The following GRIN2B variants were observed in gnomAD, a reference collection of about 807,000 sequenced individuals.
GRIN2B encodes glutamate ionotropic receptor NMDA type subunit 2B.
Under a neutral mutation model 114.5 loss-of-function variants are expected in GRIN2B, and 5 were observed. The observed-to-expected ratio is 0.04, with a 90% confidence interval of 0.02 to 0.09. GRIN2B has a LOEUF of 0.09. Among genes scored for constraint, GRIN2B ranks in the 10% least tolerant of loss-of-function variants. The probability of loss-of-function intolerance (pLI) is 1.00; values close to 1 mark genes in which losing one functional copy is unlikely to be tolerated. For missense variants in GRIN2B, 1,108 were observed against 1,943.5 expected (o/e 0.57, Z 8.08); for synonymous variants, 787 against 745.1 (o/e 1.06, Z -0.92).
At chr12:13,784,358 G>A (rs768287971) in intron 3 of GRIN2B, among the ~76,000 whole-genome samples, 13 of 151,796 alleles carry the variant, frequency 8.6e-5, no homozygotes, top group South Asian at 2.1e-4. Context: ...ACTAAAATAC[G>A]GCAAGTGCTG....
intron 4 of GRIN2B, among the ~76,000 whole-genome samples, chr12:13,735,854 A>T (rs1863168793): frequency 6.6e-6 from 1 of 151,888 alleles, no homozygotes; most frequent in Admixed American, 6.6e-5. Context: ...GAGTGTGGAG[A>T]AGTAGGATCC....
At chr12:13,803,347 C>T (rs982705926) in intron 3 of GRIN2B, among the ~76,000 whole-genome samples, 3 of 152,118 alleles carry the variant, frequency 2.0e-5, no homozygotes, top group Admixed American at 6.5e-5. Context: ...TTAACTTTAA[C>T]AGAAAATAAA....
At chr12:13,737,043 A>AAAC (rs1565518682) in intron 4 of GRIN2B, among the ~76,000 whole-genome samples, 1 of 148,904 alleles carries the variant, frequency 6.7e-6, no homozygotes, top group African/African-American at 2.5e-5. Flanking sequence ...AAAAAAAAAA[A>AAAC]AAAGAAGAAG....
At chr12:13,927,961 T>G (rs1866947186) in intron 2 of GRIN2B, among the ~76,000 whole-genome samples, 1 of 1,366 alleles carries the variant, frequency 7.3e-4, no homozygotes, top group African/African-American at 1.2e-3. Context: ...AGCAAGACCC[T>G]GTCTCAAAAA....
intron 4 of GRIN2B, among the ~76,000 whole-genome samples, chr12:13,687,573 G>T (rs568411786): frequency 6.6e-6 from 1 of 152,280 alleles, no homozygotes; most frequent in Non-Finnish European, 1.5e-5. Context: ...TGATTGGAAT[G>T]TTCTACTTGA....
intron 4 of GRIN2B, among the ~76,000 whole-genome samples, chr12:13,692,789 G>T (rs1487944620): frequency 2.7e-5 from 1 of 36,510 alleles, no homozygotes; most frequent in African/African-American, 1.1e-4. Flanking sequence ...TTTTTTTGAG[G>T]CAGAGTTTTG....
chr12:13,843,291 C>T (rs1466789947), intron 3 of GRIN2B, among the ~76,000 whole-genome samples: 1 of 151,794 alleles, frequency 6.6e-6, no homozygotes, highest in Admixed American at 6.6e-5. Context: ...TTTTGGTTGA[C>T]ATCTGATTGC....
rs182450483 is a variant in GRIN2B at position 13,742,766 on chromosome 12, C to T, written c.1010+10551G>A. On this transcript the variant is annotated intron_variant, in intron 4 of 13. Coordinates refer to ENST00000609686, the MANE Select transcript of GRIN2B (RefSeq NM_000834.5). ...ATTTTTAACTGGGCACATTACTGCCCAGGTTAAAAACTAAACTAAGCTATA... is the reference window on the plus strand; with the variant it reads ...ATTTTTAACTGGGCACATTACTGCCTAGGTTAAAAACTAAACTAAGCTATA... Among the ~76,000 whole-genome samples the T allele has an allele frequency of 9.1e-4, 138 of 152,272 alleles. 2 individuals are homozygous for T. The South Asian group carries it at 0.019, about 22-fold the overall frequency.
At position 13,957,385 on chromosome 12, in the gene GRIN2B, AAG is replaced by A. The variant is rs568868478; in HGVS notation, c.-19+22541_-19+22542del. Among the ~76,000 whole-genome samples the A allele has an allele frequency of 3.6e-4, 55 of 152,298 alleles. 1 individual carries two copies. In the South Asian group the frequency reaches 0.011, roughly 32 times the overall value. On this transcript the variant is annotated intron_variant, in intron 2 of 13. Transcript: ENST00000609686. ...TGAGACAGAGAGAGAGAGGACTGCA[AAG>A]AGAGGCTTCTACCATAAAGCACTAC...
intron 3 of GRIN2B, among the ~76,000 whole-genome samples, chr12:13,775,375 C>T (rs1863985316): frequency 6.6e-6 from 1 of 152,172 alleles, no homozygotes; most frequent in Non-Finnish European, 1.5e-5. Flanking sequence ...GCAAGTTAGC[C>T]TCTCTTCCAA....
intron 5 of GRIN2B, among the ~76,000 whole-genome samples, chr12:13,647,699 A>G (rs1949774591): frequency 6.6e-6 from 1 of 152,058 alleles, no homozygotes; most frequent in Non-Finnish European, 1.5e-5. Flanking sequence ...ACTAGCATTG[A>G]AGAGAGGTCC....
chr12:13,958,541 T>C (rs1413638281), intron 2 of GRIN2B, among the ~76,000 whole-genome samples: 1 of 152,216 alleles, frequency 6.6e-6, no homozygotes, highest in Non-Finnish European at 1.5e-5. Flanking sequence ...ACACAATATG[T>C]TTCTGTCTCC....
intron 5 of GRIN2B, among the ~76,000 whole-genome samples, chr12:13,645,990 C>T (rs1398058366): frequency 6.6e-6 from 1 of 152,118 alleles, no homozygotes; most frequent in East Asian, 1.9e-4. Context: ...CATTTCACCA[C>T]ATAAATTTAT....
At chr12:13,805,727 A>ATT (rs1864589315) in intron 3 of GRIN2B, among the ~76,000 whole-genome samples, 1 of 152,156 alleles carries the variant, frequency 6.6e-6, no homozygotes, top group African/African-American at 2.4e-5. Flanking sequence ...CATACTTATC[A>ATT]TTTTTCTGTG....
chr12:13,945,632 G>A (rs1867350936), intron 2 of GRIN2B, among the ~76,000 whole-genome samples: 1 of 152,186 alleles, frequency 6.6e-6, no homozygotes, highest in African/African-American at 2.4e-5. Context: ...CTACCTGTGT[G>A]TACAAATCCT....
intron 2 of GRIN2B, among the ~76,000 whole-genome samples, chr12:13,908,095 A>G (rs1007201520): frequency 6.6e-6 from 1 of 152,200 alleles, no homozygotes; most frequent in African/African-American, 2.4e-5. Flanking sequence ...TCTGCACTGT[A>G]TACTTTTTCC....
chr12:13,841,732 G>A (rs188916020), intron 3 of GRIN2B, among the ~76,000 whole-genome samples: 1 of 152,190 alleles, frequency 6.6e-6, no homozygotes, highest in African/African-American at 2.4e-5. Flanking sequence ...AGTTATCACT[G>A]GCCCACAGAA....
At chr12:13,967,336 A>C (rs1384205110) in intron 2 of GRIN2B, among the ~76,000 whole-genome samples, 1 of 152,234 alleles carries the variant, frequency 6.6e-6, no homozygotes, top group Non-Finnish European at 1.5e-5. Flanking sequence ...GCATCAAGTC[A>C]ACCATAAACA....
intron 4 of GRIN2B, among the ~76,000 whole-genome samples, chr12:13,731,863 T>C (rs1427939235): frequency 6.6e-6 from 1 of 152,206 alleles, no homozygotes; most frequent in Non-Finnish European, 1.5e-5. Context: ...TTAATTTTCT[T>C]AAAATAACCA....
Sources: allele counts gnomAD v4.1 joint callset (sites outside exome capture counted in the v4.1 genomes callset), GRCh38; gene constraint gnomAD v4.1.1; transcripts MANE v1.5; gene names NCBI Gene and HGNC (gene_info 2026-07-23, HGNC 2026-07-21).